The following PRSS12 variants were observed in gnomAD, a reference collection of about 807,000 sequenced individuals.
The protein encoded by PRSS12 is neurotrypsin.
Under a neutral mutation model 104.4 loss-of-function variants are expected in PRSS12, and 85 were observed. The ratio of observed to expected loss-of-function variants is 0.81; its 90% CI spans 0.68 to 0.98. The LOEUF (loss-of-function observed/expected upper bound fraction) is 0.98, where lower values mean the gene tolerates loss of function less well. Among genes scored for constraint, PRSS12 ranks in the 50% least tolerant of loss-of-function variants. The probability of loss-of-function intolerance (pLI) is 0.00; values close to 1 mark genes in which losing one functional copy is unlikely to be tolerated. For missense variants in PRSS12, 1,141 were observed against 1,139.2 expected (o/e 1.00, Z -0.02); for synonymous variants, 454 against 425.2 (o/e 1.07, Z -0.83).
At chr4:118,313,547 G>C in intron 6 of PRSS12, 150 bp from the exon 7 acceptor site, 1 of 812,224 alleles carries the variant, frequency 1.2e-6, no homozygotes, top group Non-Finnish European at 2.0e-6. Context: ...GCAGTTTAGA[G>C]CTATGTTCGC....
chr4:118,331,645 A>G, intron 4 of PRSS12, 71 bp downstream of exon 4: 1 of 1,590,296 alleles, frequency 6.3e-7, no homozygotes. Context: ...TTAAACAAAC[A>G]GCACCTGCCT....
At chr4:118,295,120 C>T in intron 10 of PRSS12, 59 bp from the exon 11 acceptor site, 1 of 1,591,436 alleles carries the variant, frequency 6.3e-7, no homozygotes, top group African/African-American at 1.3e-5. Context: ...CAAAGGAAAG[C>T]ACTGGTTAAA....
intron 1 of PRSS12, among the ~76,000 whole-genome samples, chr4:118,346,328 A>G (rs1162230560): frequency 6.6e-6 from 1 of 152,014 alleles, no homozygotes; most frequent in Admixed American, 6.6e-5. Context: ...ACACATCCAC[A>G]CCCAAATTCA....
chr4:118,300,750 T>C (rs1002354297), intron 8 of PRSS12, among the ~76,000 whole-genome samples: 5 of 152,150 alleles, frequency 3.3e-5, no homozygotes, highest in Non-Finnish European at 5.9e-5. Context: ...TTTCTAGAAA[T>C]ATATTTGTTG....
intron 5 of PRSS12, among the ~76,000 whole-genome samples, chr4:118,317,612 T>G (rs1723481498): frequency 6.6e-6 from 1 of 152,156 alleles, no homozygotes; most frequent in Non-Finnish European, 1.5e-5. Flanking sequence ...TAAATACATT[T>G]CTATGGTGTA....
At chr4:118,323,968 T>C in intron 4 of PRSS12, among the ~76,000 whole-genome samples, 1 of 151,948 alleles carries the variant, frequency 6.6e-6, no homozygotes, top group East Asian at 1.9e-4. Flanking sequence ...GGGACAATCT[T>C]GGGTCACTGC....
At chr4:118,311,327 G>T (rs939081245) in intron 7 of PRSS12, among the ~76,000 whole-genome samples, 2 of 152,038 alleles carry the variant, frequency 1.3e-5, no homozygotes, top group African/African-American at 4.8e-5. Flanking sequence ...TGTCTACAGG[G>T]CTATAACTAA....
At chr4:118,294,616 G>A (rs1279659436) in intron 11 of PRSS12, among the ~76,000 whole-genome samples, 1 of 151,666 alleles carries the variant, frequency 6.6e-6, no homozygotes, top group Non-Finnish European at 1.5e-5. Flanking sequence ...AATAATCCGA[G>A]GTCTATTCTA....
At position 118,352,843 on chromosome 4, in the gene PRSS12, C is replaced by T. The variant is rs1724561919; in HGVS notation, c.-123G>A. The stretch of plus-strand genomic sequence containing the variant: ...ATCCCCCAGCCCCCTCCCGCCCCCG[C>T]ACGCGGACCGCCCTCGCCTCCCCAA... On this transcript the variant is annotated 5_prime_UTR_variant, in exon 1 of 13. Coordinates refer to ENST00000296498, the MANE Select transcript of PRSS12 (RefSeq NM_003619.4). The T allele has an allele frequency of 4.7e-6, 7 of 1,493,498 alleles. No individual in the cohort carries two copies. The highest frequency in any genetic ancestry group is 6.2e-6 in the Non-Finnish European group (7 of 1,122,082). The allele number at this position is 1,493,498 out of a possible 1,614,324, so 92.5% of individuals were successfully genotyped here.
chr4:118,311,241 G>A (rs572345536), intron 7 of PRSS12, among the ~76,000 whole-genome samples: 1 of 152,098 alleles, frequency 6.6e-6, no homozygotes, highest in South Asian at 2.1e-4. Flanking sequence ...TCACATAACT[G>A]TATTCTTACT....
At chr4:118,283,856 A>G (rs1404236903) in intron 11 of PRSS12, among the ~76,000 whole-genome samples, 2 of 152,176 alleles carry the variant, frequency 1.3e-5, no homozygotes, top group Non-Finnish European at 2.9e-5. Flanking sequence ...AGTCAAAGCT[A>G]TTCCAGGTCA....
At chr4:118,323,958 G>A (rs775922071) in intron 4 of PRSS12, among the ~76,000 whole-genome samples, 2 of 152,020 alleles carry the variant, frequency 1.3e-5, no homozygotes, top group Non-Finnish European at 2.9e-5. Context: ...GGATTCCAGT[G>A]GGACAATCTT....
chr4:118,351,844 T>C (rs1019127201), intron 1 of PRSS12, among the ~76,000 whole-genome samples: 1 of 152,148 alleles, frequency 6.6e-6, no homozygotes, highest in Non-Finnish European at 1.5e-5. Flanking sequence ...GCCTCTTTAA[T>C]GTAAATATGG....
At chr4:118,313,802 G>A (rs574649834) in intron 6 of PRSS12, among the ~76,000 whole-genome samples, 16 of 151,966 alleles carry the variant, frequency 1.1e-4, no homozygotes, top group African/African-American at 3.6e-4. Flanking sequence ...GCTTCTCTTT[G>A]GTCTTCTTTC....
At chr4:118,318,229 T>C (rs977277700) in intron 5 of PRSS12, 149 bp downstream of exon 5, 3 of 779,248 alleles carry the variant, frequency 3.8e-6, no homozygotes, top group Non-Finnish European at 6.2e-6. Context: ...TACTTTAATA[T>C]ACGGTTTGCA....
chr4:118,328,518 GT>G (rs1425490545), intron 4 of PRSS12, among the ~76,000 whole-genome samples: 1 of 151,872 alleles, frequency 6.6e-6, no homozygotes, highest in African/African-American at 2.4e-5. Flanking sequence ...TATGGCCTTT[GT>G]TTAAAAACTG....
chr4:118,349,368 C>T (rs771066700), intron 1 of PRSS12, among the ~76,000 whole-genome samples: 8 of 150,848 alleles, frequency 5.3e-5, no homozygotes, highest in East Asian at 4.0e-4. Context: ...TGCGCCACTG[C>T]GCTCCAGCCC....
At chr4:118,338,339 C>T (rs1174801197) in intron 1 of PRSS12, 25 bp from the exon 2 acceptor site, 25 of 1,613,414 alleles carry the variant, frequency 1.5e-5, no homozygotes, top group South Asian at 2.2e-5. Flanking sequence ...AATCCCAAAA[C>T]CCTTTAATAG....
In PRSS12 at chr4:118,352,482, A is replaced by T. The variant is rs1724539356; in HGVS notation, c.239T>A (p.Leu80His). 10 of 1,379,498 alleles carry T rather than the reference A, an allele frequency of 7.2e-6. No individual in the cohort carries two copies. The highest frequency in any genetic ancestry group is 9.3e-6 in the Non-Finnish European group (10 of 1,073,648). The allele number at this position is 1,379,498 out of a possible 1,614,324, so 85.5% of individuals were successfully genotyped here. A position where few individuals can be genotyped will look rare whatever the true frequency, so the allele number is the denominator to read the frequency against. Residue 80 changes from leucine to histidine, a missense_variant, in exon 1 of 13, where the codon CTC becomes CAC. Leu to His is a moderately conservative substitution (Grantham distance 99). Transcript: ENST00000296498. ...RALPAQRPHALQAGHTPRPHP... is the reference protein window; with the variant it reads ...RALPAQRPHAHQAGHTPRPHP... ...CGGCCGGGGCGTGTGCCCGGCCTGG[A>T]GGGCGTGCGGGCGCTGGGCAGGGAG...
Sources: allele counts gnomAD v4.1 joint callset (sites outside exome capture counted in the v4.1 genomes callset), GRCh38; gene constraint gnomAD v4.1.1; transcripts MANE v1.5; gene names NCBI Gene and HGNC (gene_info 2026-07-23, HGNC 2026-07-21).